The following HCN1 variants were observed in gnomAD, a reference collection of about 807,000 sequenced individuals.
HCN1 encodes potassium/sodium hyperpolarization-activated cyclic nucleotide-gated channel 1.
A neutral mutation model predicts 78.9 loss-of-function variants in HCN1; 13 were observed. The observed-to-expected ratio is 0.16, with a 90% CI of 0.11 to 0.26. The LOEUF (loss-of-function observed/expected upper bound fraction) is 0.26. Ranked by LOEUF, HCN1 falls within the 10% of genes least tolerant of loss-of-function variation. HCN1 has a pLI of 1.00. For synonymous variants in HCN1, 552 were observed against 455.5 expected (o/e 1.21, Z -2.70); for missense variants, 810 against 1,154.3 (o/e 0.70, Z 4.32).
chr5:45,361,581 G>T (rs1747110610), intron 4 of HCN1, among the ~76,000 whole-genome samples: 1 of 152,138 alleles, frequency 6.6e-6, no homozygotes. Flanking sequence ...CAAAGTGCTG[G>T]GATATTACAA....
intron 5 of HCN1, among the ~76,000 whole-genome samples, chr5:45,336,989 GCAGAGGGCATAAATACT>G (rs939234718): frequency 3.9e-4 from 60 of 152,014 alleles, no homozygotes; most frequent in African/African-American, 1.4e-3. Context: ...TGAACTGGGG[GCAGAGGGCATAAATACT>G]CACCTTAGTA....
At chr5:45,550,025 T>C (rs1455768912) in intron 2 of HCN1, among the ~76,000 whole-genome samples, 2 of 151,952 alleles carry the variant, frequency 1.3e-5, no homozygotes, top group Non-Finnish European at 2.9e-5. Context: ...TGTGGAGAAA[T>C]AGGAACACTT....
chr5:45,456,797 G>A (rs938430218), intron 3 of HCN1, among the ~76,000 whole-genome samples: 2 of 151,996 alleles, frequency 1.3e-5, no homozygotes, highest in African/African-American at 2.4e-5. Flanking sequence ...GCTATGGAAT[G>A]ACTAATTGAC....
intron 5 of HCN1, among the ~76,000 whole-genome samples, chr5:45,350,709 C>G (rs1205688750): frequency 6.6e-6 from 1 of 150,932 alleles, no homozygotes; most frequent in Non-Finnish European, 1.5e-5. Context: ...ACAAAAATCA[C>G]AAGCATTCTT....
chr5:45,670,623 A>G (rs1171230819), intron 1 of HCN1, among the ~76,000 whole-genome samples: 1 of 151,682 alleles, frequency 6.6e-6, no homozygotes, highest in Non-Finnish European at 1.5e-5. Context: ...GTCTCAATTT[A>G]CTCTGCTGTA....
chr5:45,651,657 T>A (rs999962564), intron 1 of HCN1, among the ~76,000 whole-genome samples: 1 of 151,942 alleles, frequency 6.6e-6, no homozygotes, highest in South Asian at 2.1e-4. Context: ...TAAGGTGCCT[T>A]CTCTTAAATG....
intron 1 of HCN1, among the ~76,000 whole-genome samples, chr5:45,663,835 T>C (rs1479654388): frequency 2.7e-5 from 4 of 147,954 alleles, no homozygotes; most frequent in South Asian, 2.1e-4. Flanking sequence ...TGTGGAGAAA[T>C]AGGAACACTT....
chr5:45,531,552 G>A (rs1169922398), intron 2 of HCN1, among the ~76,000 whole-genome samples: 1 of 152,086 alleles, frequency 6.6e-6, no homozygotes, highest in Non-Finnish European at 1.5e-5. Context: ...TGTTGTGTAA[G>A]TATCCCCTAC....
intron 2 of HCN1, among the ~76,000 whole-genome samples, chr5:45,599,894 A>C (rs149324631): frequency 2.2e-4 from 34 of 152,078 alleles, no homozygotes; most frequent in African/African-American, 7.2e-4. Context: ...AATTCACTGC[A>C]GTTCTTAACA....
intron 3 of HCN1, among the ~76,000 whole-genome samples, chr5:45,420,769 T>A (rs1175246447): frequency 6.6e-6 from 1 of 152,184 alleles, no homozygotes; most frequent in African/African-American, 2.4e-5. Flanking sequence ...CAGGACTCTG[T>A]ACTTAAATGT....
chr5:45,601,415 A>T (rs921463741), intron 2 of HCN1, among the ~76,000 whole-genome samples: 1 of 152,186 alleles, frequency 6.6e-6, no homozygotes. Flanking sequence ...TTTACTGTGG[A>T]TTCTGCCATT....
intron 2 of HCN1, among the ~76,000 whole-genome samples, chr5:45,617,946 T>C (rs1469639831): frequency 6.6e-6 from 1 of 152,138 alleles, no homozygotes; most frequent in Non-Finnish European, 1.5e-5. Flanking sequence ...AAGTATATTG[T>C]AGACTTACTA....
intron 3 of HCN1, among the ~76,000 whole-genome samples, chr5:45,407,789 C>A (rs1335459415): frequency 2.6e-5 from 4 of 152,042 alleles, no homozygotes; most frequent in Admixed American, 2.0e-4. Flanking sequence ...AGATTACAAG[C>A]GTGAGCCACC....
intron 2 of HCN1, among the ~76,000 whole-genome samples, chr5:45,492,729 C>A (rs1230573704): frequency 6.6e-6 from 1 of 151,748 alleles, no homozygotes; most frequent in Non-Finnish European, 1.5e-5. Context: ...CTTGAACTCC[C>A]GGCCTCAGGT....
intron 5 of HCN1, among the ~76,000 whole-genome samples, chr5:45,342,277 A>T: frequency 6.8e-6 from 1 of 147,106 alleles, no homozygotes; most frequent in Non-Finnish European, 1.5e-5. Context: ...TCTGTCACTG[A>T]GGCAGCAGTG....
chr5:45,342,214 G>A (rs1362638380), intron 5 of HCN1, among the ~76,000 whole-genome samples: 2 of 151,128 alleles, frequency 1.3e-5, no homozygotes, highest in African/African-American at 4.9e-5. Flanking sequence ...TGATCTTTTT[G>A]AAATCTTTTC....
At chr5:45,293,839 A>G (rs1324793704) in intron 6 of HCN1, among the ~76,000 whole-genome samples, 1 of 151,972 alleles carries the variant, frequency 6.6e-6, no homozygotes, top group Non-Finnish European at 1.5e-5. Flanking sequence ...GTATTATTTG[A>G]CATTTCTAAG....
Position 45,653,545 on chromosome 5 carries a change from C to A in HCN1, c.426-7937G>T, listed in dbSNP as rs541646405. Among the ~76,000 whole-genome samples, 26 of 152,230 alleles carry A rather than the reference C, an allele frequency of 1.7e-4. 2 individuals carry two copies. Among genetic ancestry groups the A allele is most frequent in the African/African-American group, 6.0e-4 (25 of 41,554 alleles). Reference sequence around the variant, plus strand: ...TATATACTGCTGATTTCCCAATGATCAAATTCCAAATTAGTATCTGCGTTA... The same window carrying A: ...TATATACTGCTGATTTCCCAATGATAAAATTCCAAATTAGTATCTGCGTTA... On this transcript the variant is annotated intron_variant, in intron 1 of 7. Transcript: ENST00000303230.
chr5:45,505,542 TC>T (rs1742281224), intron 2 of HCN1, among the ~76,000 whole-genome samples: 1 of 152,152 alleles, frequency 6.6e-6, no homozygotes, highest in Non-Finnish European at 1.5e-5. Context: ...GCGTGATGCC[TC>T]CCGCTTTGTT....
Sources: gnomAD v4.1 joint callset for allele counts (sites outside exome capture counted in the v4.1 genomes callset) on GRCh38, gnomAD v4.1.1 for gene constraint, MANE v1.5 for transcripts, NCBI Gene and HGNC (gene_info 2026-07-23, HGNC 2026-07-21) for gene names.